GLDC: variants seen among roughly 807,000 people sequenced by gnomAD.
The protein encoded by GLDC is glycine decarboxylase.
GLDC carries 104 observed loss-of-function variants against 121.3 expected under a neutral mutation model. The ratio of observed to expected loss-of-function variants is 0.86; its 90% confidence interval spans 0.73 to 1.01. The LOEUF (loss-of-function observed/expected upper bound fraction) is 1.01. Among genes scored for constraint, GLDC ranks in the 50% least tolerant of loss-of-function variants. The probability of loss-of-function intolerance (pLI) is 0.00; values close to 1 mark genes in which losing one functional copy is unlikely to be tolerated. For missense variants in GLDC, 1,429 were observed against 1,306.6 expected, an observed-to-expected ratio of 1.09 and a Z score of -1.44; for synonymous variants, 546 against 480.6, an observed-to-expected ratio of 1.14 and a Z score of -1.78.
intron 24 of GLDC, chr9:6,534,012 A>G (rs1277122624): frequency 4.6e-5 from 7 of 152,310 alleles, no homozygotes; most frequent in African/African-American, 1.2e-4. Context: ...GGAGATCAAG[A>G]CCTTCCTGGC....
At chr9:6,622,153 C>CACACAG (rs1279317933) in intron 2 of GLDC, among the ~76,000 whole-genome samples, 1 of 107,430 alleles carries the variant, frequency 9.3e-6, no homozygotes, top group Non-Finnish European at 1.8e-5. Flanking sequence ...CCACCACACA[C>CACACAG]ACACAGACAC....
intron 19 of GLDC, 129 bp from the exon 20 acceptor site, chr9:6,553,638 C>A: frequency 1.2e-6 from 1 of 844,506 alleles, no homozygotes; most frequent in Non-Finnish European, 2.0e-6. Context: ...GGACTCTCCA[C>A]CTGCTGGGAG....
At chr9:6,563,785 C>T (rs1049371984) in intron 16 of GLDC, among the ~76,000 whole-genome samples, 20 of 152,210 alleles carry the variant, frequency 1.3e-4, no homozygotes, top group African/African-American at 4.6e-4. Context: ...AGTCCTTGAC[C>T]AGGGTTTAAT....
At chr9:6,553,118 T>A (rs1268504754) in intron 20 of GLDC, among the ~76,000 whole-genome samples, 1 of 152,168 alleles carries the variant, frequency 6.6e-6, no homozygotes, top group Admixed American at 6.5e-5. Flanking sequence ...ATCTGATGTT[T>A]CAGTTTCTCT....
At chr9:6,628,155 G>A (rs1459417600) in intron 2 of GLDC, among the ~76,000 whole-genome samples, 1 of 152,132 alleles carries the variant, frequency 6.6e-6, no homozygotes, top group East Asian at 1.9e-4. Context: ...TCCTACCACT[G>A]TACACCTCTT....
intron 8 of GLDC, among the ~76,000 whole-genome samples, chr9:6,595,400 C>T (rs1338495518): frequency 6.6e-6 from 1 of 152,122 alleles, no homozygotes; most frequent in African/African-American, 2.4e-5. Flanking sequence ...CCCTTAAGGG[C>T]AAAGATCACA....
At chr9:6,547,670 G>A (rs986116082) in intron 21 of GLDC, among the ~76,000 whole-genome samples, 1 of 152,056 alleles carries the variant, frequency 6.6e-6, no homozygotes, top group East Asian at 1.9e-4. Flanking sequence ...TTCAAGCAAA[G>A]GATACTCACG....
chr9:6,633,547 A>G (rs1344020377), intron 2 of GLDC, among the ~76,000 whole-genome samples: 1 of 152,118 alleles, frequency 6.6e-6, no homozygotes. Flanking sequence ...AATCAATGAC[A>G]TCAACATCAC....
chr9:6,621,596 C>T (rs919857513), intron 2 of GLDC, among the ~76,000 whole-genome samples: 1 of 152,204 alleles, frequency 6.6e-6, no homozygotes, highest in African/African-American at 2.4e-5. Flanking sequence ...TGGCTCACTG[C>T]AACCTCCACC....
chr9:6,621,960 T>A (rs984306228), intron 2 of GLDC, among the ~76,000 whole-genome samples: 15 of 152,192 alleles, frequency 9.9e-5, no homozygotes, highest in Non-Finnish European at 2.2e-4. Flanking sequence ...TCTTGGGGAC[T>A]CAGTCACTTA....
At chr9:6,576,659 G>C (rs536833196) in intron 15 of GLDC, among the ~76,000 whole-genome samples, 179 of 152,124 alleles carry the variant, frequency 1.2e-3, no homozygotes, top group African/African-American at 4.1e-3. Context: ...CAGAGATGGA[G>C]TTTCACTACG....
chr9:6,624,509 G>C (rs1388870710), intron 2 of GLDC, among the ~76,000 whole-genome samples: 1 of 152,168 alleles, frequency 6.6e-6, no homozygotes, highest in African/African-American at 2.4e-5. Flanking sequence ...CCAGAAATGA[G>C]CCAACCCTGC....
At chr9:6,636,551 G>T (rs1819506705) in intron 2 of GLDC, among the ~76,000 whole-genome samples, 1 of 152,124 alleles carries the variant, frequency 6.6e-6, no homozygotes, top group South Asian at 2.1e-4. Flanking sequence ...GAGTCGGAAG[G>T]ATTTCTTCCT....
intron 20 of GLDC, among the ~76,000 whole-genome samples, chr9:6,551,800 G>C (rs1428246628): frequency 6.6e-6 from 1 of 152,192 alleles, no homozygotes; most frequent in Admixed American, 6.5e-5. Flanking sequence ...ACTGTCATCT[G>C]GGAGTGGATG....
At chr9:6,562,107 T>C (rs1171542774) in intron 16 of GLDC, among the ~76,000 whole-genome samples, 7 of 152,188 alleles carry the variant, frequency 4.6e-5, no homozygotes, top group Admixed American at 1.3e-4. Flanking sequence ...GATCTGGAGG[T>C]CTGCTGAGTA....
chr9:6,562,992 C>A (rs992587633), intron 16 of GLDC, among the ~76,000 whole-genome samples: 2 of 152,184 alleles, frequency 1.3e-5, no homozygotes, highest in South Asian at 4.1e-4. Context: ...AGCACCCAGC[C>A]CCTCTCCCTC....
At chr9:6,605,014 T>C in intron 6 of GLDC, 117 bp downstream of exon 6, 5 of 1,106,590 alleles carry the variant, frequency 4.5e-6, no homozygotes, top group South Asian at 3.8e-5. Flanking sequence ...AGTTTTACCA[T>C]TCCATGTGAT....
chr9:6,608,878 C>A (rs1818793098), intron 4 of GLDC, among the ~76,000 whole-genome samples: 1 of 152,126 alleles, frequency 6.6e-6, no homozygotes, highest in African/African-American at 2.4e-5. Flanking sequence ...GTGGATGGCA[C>A]TCTTTTGTGG....
Position 6,550,816 on chromosome 9 carries a change from G to C in GLDC, c.2556C>G (p.Phe852Leu), listed in dbSNP as rs201654583. The C allele has an allele frequency of 1.9e-6, 3 of 1,610,070 alleles. No individual in the cohort carries two copies. Among genetic ancestry groups the C allele is most frequent in the Non-Finnish European group, 2.6e-6 (3 of 1,176,342 alleles). ...KRLETHYRIL[F>L]RGARGYVGHE... ...GTTGATACTTGCCTCTTGCACCCCT[G>C]AAAAGAATTCTGTAGTGTGTTTCTA... is the stretch of plus-strand genomic sequence containing the variant. The change falls in exon 21 of 25, where the codon TTC (phenylalanine) becomes TTG (leucine). Residue 852 changes from phenylalanine (F) to leucine (L), a missense_variant. Phe to Leu is a conservative substitution (Grantham distance 22). Transcript: ENST00000321612.
Sources: gnomAD v4.1 joint callset for allele counts (sites outside exome capture counted in the v4.1 genomes callset) on GRCh38, gnomAD v4.1.1 for gene constraint, MANE v1.5 for transcripts, NCBI Gene and HGNC (gene_info 2026-07-23, HGNC 2026-07-21) for gene names.